JAG2: variants seen among roughly 807,000 people sequenced by gnomAD.
JAG2 encodes the protein protein jagged-2.
A neutral mutation model predicts 141.7 loss-of-function variants in JAG2; 46 were observed. The observed-to-expected ratio is 0.32, with a 90% CI of 0.26 to 0.42. The LOEUF (loss-of-function observed/expected upper bound fraction) is 0.42, where lower values mean the gene tolerates loss of function less well. Among genes scored for constraint, JAG2 ranks in the 10% least tolerant of loss-of-function variants. JAG2 has a pLI of 1.00. For synonymous variants in JAG2, 862 were observed against 763.5 expected (o/e 1.13, Z -2.13); for missense variants, 1,500 against 1,817.5 (o/e 0.83, Z 3.18).
rs1378403382 is a variant in JAG2, at chr14:105,142,792, C to T, written c.3620G>A (p.Arg1207His). 1.7e-5 allele frequency: 28 copies of T among 1,610,624 alleles called. No homozygotes were observed. Among genetic ancestry groups the T allele is most frequent in the East Asian group, 2.2e-5 (1 of 44,816 alleles). ...LSHKFTKDPG[R>H]SPGRPAHWAS... ...CCAGTGGGCCGGCCTCCCCGGCGAG[C>T]GGCCAGGATCTTTGGTGAATTTGTG... is the stretch of plus-strand genomic sequence containing the variant. The change falls in exon 26 of 26, where the codon CGC becomes CAC. Residue 1207 changes from arginine (R) to histidine (H), a missense_variant. By Grantham distance (29) the Arg-to-His change is conservative. This residue lies in a region of JAG2 where 425 missense variants were observed against 441.0 expected (regional missense o/e 0.96). Transcript: ENST00000331782.
chr14:105,146,485 C>T lies in JAG2; in HGVS notation c.2609G>A (p.Arg870Lys), dbSNP rs143711692. The T allele has an allele frequency of 1.5e-5, 24 of 1,612,740 alleles. No homozygotes were observed. The Admixed American group carries it at 4.0e-4, about 27-fold the overall frequency. ...CGGAGTGCCCCGGGACCAGCAGGAT[C>T]TCCCGAACCCGATCACTGTGGGGAG... Reference protein sequence around the residue: ...PRCQEVIGFGRSCWSRGTPFP... With the variant: ...PRCQEVIGFGKSCWSRGTPFP... Residue 870 changes from arginine (R) to lysine (K), a missense_variant, in exon 22 of 26, where the codon AGA (arginine) becomes AAA (lysine). By Grantham distance (26) the Arg-to-Lys change is conservative (BLOSUM62 2). Around this residue, in one of 3 missense-constraint regions of JAG2, gnomAD observed 875 missense variants for 1,202.2 expected, o/e 0.73. Transcript: ENST00000331782.
chr14:105,162,982 C>CCAACA (rs1888801887), intron 2 of JAG2, among the ~76,000 whole-genome samples: 1 of 151,774 alleles, frequency 6.6e-6, no homozygotes, highest in Admixed American at 6.6e-5. Flanking sequence ...ACGGTCAAGG[C>CCAACA]CAACACAGCC....
chr14:105,168,325 G>T, intron 1 of JAG2, 30 bp downstream of exon 1: 1 of 648,406 alleles, frequency 1.5e-6, no homozygotes, highest in Non-Finnish European at 2.0e-6. Context: ...CCCCGTCCGC[G>T]ACCCCCGCCG....
In JAG2 at chr14:105,151,935, T is replaced by C. The variant is rs1196133826; in HGVS notation, c.1039+3A>G. On this transcript the variant is annotated splice_donor_region_variant and intron_variant, in intron 7 of 25. Transcript: ENST00000331782. The stretch of plus-strand genomic sequence containing the variant: ...GAATTTGGGTGGCCAGCCCCCCACG[T>C]ACCCTTCTCACAGTTCCTGCCCGAG... 6.2e-7 allele frequency: 1 copy of C among 1,612,788 alleles called. No homozygotes were observed. The highest frequency in any genetic ancestry group is 1.3e-5 in the African/African-American group (1 of 74,916).
intron 2 of JAG2, among the ~76,000 whole-genome samples, chr14:105,164,871 C>T (rs1888863076): frequency 2.0e-5 from 3 of 152,118 alleles, no homozygotes; most frequent in Non-Finnish European, 4.4e-5. Context: ...AAAGCTCAGC[C>T]CTTCTGATGG....
chr14:105,150,837 G>A (rs587718189), intron 11 of JAG2, 28 bp downstream of exon 11: 30 of 1,573,892 alleles, frequency 1.9e-5, no homozygotes, highest in Middle Eastern at 3.4e-4. Flanking sequence ...CAGCACCCAC[G>A]CCACACACCC....
rs1888951756 is a variant in JAG2, at chr14:105,167,446, C to T, written c.417+311G>A. 1.3e-5 allele frequency among the ~76,000 whole-genome samples: 2 copies of T among 151,506 alleles called. No homozygotes were observed. Among genetic ancestry groups the T allele is most frequent in the South Asian group, 2.1e-4 (1 of 4,822 alleles). ...CCTGCCCGGGACCGGGGCGCCTCGCCTCGCCTCCCCACCCAGACAGACACG... is the reference window on the plus strand; with the variant it reads ...CCTGCCCGGGACCGGGGCGCCTCGCTTCGCCTCCCCACCCAGACAGACACG... On this transcript the variant is annotated intron_variant, in intron 2 of 25. Coordinates refer to ENST00000331782, the MANE Select transcript of JAG2 (RefSeq NM_002226.5). The surrounding 1 kb of genome is among the most constrained non-coding windows in gnomAD (Gnocchi z 4.8).
chr14:105,162,656 A>C (rs1595189188), intron 2 of JAG2, among the ~76,000 whole-genome samples: 1 of 144,770 alleles, frequency 6.9e-6, no homozygotes, highest in Non-Finnish European at 1.5e-5. Flanking sequence ...GGTCCAGGGC[A>C]CCTTAAAGCC....
intron 2 of JAG2, among the ~76,000 whole-genome samples, chr14:105,163,334 C>T (rs953388749): frequency 2.6e-5 from 4 of 152,152 alleles, no homozygotes; most frequent in Non-Finnish European, 4.4e-5. Flanking sequence ...GCCCATCCCA[C>T]GCAGGAACAC....
chr14:105,147,582 G>A (rs1888266396), intron 18 of JAG2, 55 bp from the exon 19 acceptor site: 2 of 1,565,192 alleles, frequency 1.3e-6, no homozygotes, highest in African/African-American at 2.7e-5. Context: ...AAGCGTGCCA[G>A]GCACTGTCCA....
At chr14:105,165,409 C>G (rs1216305810) in intron 2 of JAG2, among the ~76,000 whole-genome samples, 2 of 152,196 alleles carry the variant, frequency 1.3e-5, no homozygotes, top group African/African-American at 2.4e-5. Flanking sequence ...GCACCAGAAC[C>G]AACCCAGGCT....
At chr14:105,146,126 C>G (rs1364427874) in intron 22 of JAG2, among the ~76,000 whole-genome samples, 153 bp from the exon 23 acceptor site, 3 of 152,160 alleles carry the variant, frequency 2.0e-5, no homozygotes, top group African/African-American at 7.2e-5. Flanking sequence ...ACCCCCTACC[C>G]AGGGCTCCCA....
intron 2 of JAG2, among the ~76,000 whole-genome samples, chr14:105,165,143 C>T (rs1888871499): frequency 6.6e-6 from 1 of 151,968 alleles, no homozygotes; most frequent in Admixed American, 6.5e-5. Context: ...GCACGACTTC[C>T]AGCTGCACCT....
Position 105,148,326 on chromosome 14 carries a change from G to GT in JAG2, c.2133dup (p.Arg712ThrfsTer95). The GT allele has an allele frequency of 6.2e-7, 1 of 1,609,668 alleles. No homozygotes were observed. The highest frequency in any genetic ancestry group is 8.5e-7 in the Non-Finnish European group (1 of 1,178,068). On this transcript the variant is annotated frameshift_variant and splice_region_variant, in exon 16 of 26. Transcript: ENST00000331782. LOFTEE classifies it high-confidence loss of function. Reference sequence around the variant, plus strand: ...GCGGCCAGGGCCTGCGGACACTCACGTGAGTGGCAGGTCTTGCCCTTCCAG... The same window carrying GT: ...GCGGCCAGGGCCTGCGGACACTCACGTTGAGTGGCAGGTCTTGCCCTTCCAG...
At position 105,155,826 on chromosome 14, in the gene JAG2, G is replaced by A. The variant is rs1364439555; in HGVS notation, c.639C>T (p.Pro213=). 2 of 1,612,738 alleles carry A rather than the reference G, an allele frequency of 1.2e-6. No homozygotes were observed. The highest frequency in any genetic ancestry group is 8.5e-7 in the Non-Finnish European group (1 of 1,179,856). ...TGTAGTGGCCGAAAAAGTCGTTGCG[G>A]GGCCGGCAGAACTTGTTGCAAGTGG... The part of the protein sequence containing the change: ...YSATCNKFCR[P]RNDFFGHYTC... Residue 213 remains proline, a synonymous_variant, in exon 4 of 26, where the codon CCC becomes CCT. Transcript: ENST00000331782.
intron 2 of JAG2, among the ~76,000 whole-genome samples, chr14:105,164,469 G>A (rs979517232): frequency 7.9e-5 from 12 of 152,228 alleles, no homozygotes; most frequent in East Asian, 1.9e-4. Context: ...GAAGGAGGGG[G>A]GTGGTCCCCA....
chr14:105,167,400 G>T lies in JAG2; in HGVS notation c.417+357C>A, dbSNP rs587662191. ...CTGCCCTAGACCAGCCCCAGCACGC[G>T]CTGCGCACATGCCACCGCGGCCTGC... On this transcript the variant is annotated intron_variant, in intron 2 of 25. Coordinates refer to ENST00000331782, the MANE Select transcript of JAG2 (RefSeq NM_002226.5). This position sits in a 1 kb window ranked among gnomAD's most constrained non-coding sequence, Gnocchi z 4.8. Among the ~76,000 whole-genome samples, 1 of 152,134 alleles carries T rather than the reference G, an allele frequency of 6.6e-6. No individual in the cohort carries two copies. Among genetic ancestry groups the T allele is most frequent in the Non-Finnish European group, 1.5e-5 (1 of 67,964 alleles).
chr14:105,162,108 A>G (rs587698118), intron 2 of JAG2, among the ~76,000 whole-genome samples: 1 of 152,206 alleles, frequency 6.6e-6, no homozygotes, highest in South Asian at 2.1e-4. Context: ...GTCTGGGGAC[A>G]GGTGAGAGAC....
intron 5 of JAG2, among the ~76,000 whole-genome samples, chr14:105,152,721 C>T (rs1484781029): frequency 5.3e-5 from 8 of 152,138 alleles, no homozygotes; most frequent in Non-Finnish European, 1.2e-4. Flanking sequence ...GCCATGTGGC[C>T]CTGGGCACAG....
Sources: gnomAD v4.1 joint callset for allele counts (sites outside exome capture counted in the v4.1 genomes callset) on GRCh38, gnomAD v4.1.1 for gene constraint, gnomAD v4.1.1 regional missense constraint, Gnocchi (gnomAD v3.1) non-coding constraint, MANE v1.5 for transcripts, NCBI Gene and HGNC (gene_info 2026-07-23, HGNC 2026-07-21) for gene names.